SLC8A1: variants seen among roughly 807,000 people sequenced by gnomAD.
SLC8A1 encodes the protein solute carrier family 8 member A1.
Under a neutral mutation model 68.3 loss-of-function variants are expected in SLC8A1, and 18 were observed. The ratio of observed to expected loss-of-function variants is 0.26; its 90% CI spans 0.18 to 0.39. The LOEUF is 0.39. Among genes scored for constraint, SLC8A1 ranks in the 10% least tolerant of loss-of-function variants. The pLI is 1.00. For missense variants in SLC8A1, 985 were observed against 1,156.7 expected (o/e 0.85, Z 2.15); for synonymous variants, 475 against 415.5 (o/e 1.14, Z -1.74).
rs778308374 is a variant in SLC8A1 at position 40,261,275 on chromosome 2, G to GCA, written c.1809-83422_1809-83421dup. On this transcript the variant is annotated intron_variant, in intron 2 of 7. Transcript: ENST00000406785. Reference sequence around the variant, plus strand: ...GGGAAGCCCAGGCCATCAGTATTCTGCACACACACTAACAGCTTGTGCTTG... The same window carrying GCA: ...GGGAAGCCCAGGCCATCAGTATTCTGCACACACACACTAACAGCTTGTGCTTG... 1.5e-4 allele frequency among the ~76,000 whole-genome samples: 23 copies of GCA among 152,288 alleles called. No individual in the cohort carries two copies. In the East Asian group the frequency reaches 2.3e-3, roughly 15 times the overall value.
chr2:40,360,796 AGCATTAGG>A (rs1426296447), intron 2 of SLC8A1, among the ~76,000 whole-genome samples: 1 of 152,144 alleles, frequency 6.6e-6, no homozygotes, highest in Non-Finnish European at 1.5e-5. Context: ...AGATCTCTCT[AGCATTAGG>A]GCAAGGTCTG....
intron 2 of SLC8A1, among the ~76,000 whole-genome samples, chr2:40,335,786 C>A (rs1665772975): frequency 6.6e-6 from 1 of 152,146 alleles, no homozygotes; most frequent in South Asian, 2.1e-4. Flanking sequence ...TGAGGCTCTG[C>A]CTTTGTCATG....
intron 2 of SLC8A1, among the ~76,000 whole-genome samples, chr2:40,372,786 C>A (rs1468569199): frequency 6.6e-6 from 1 of 152,030 alleles, no homozygotes; most frequent in Non-Finnish European, 1.5e-5. Flanking sequence ...ATCGCTTATA[C>A]CACGGTATTT....
At chr2:40,331,616 C>T (rs991713607) in intron 2 of SLC8A1, among the ~76,000 whole-genome samples, 19 of 151,260 alleles carry the variant, frequency 1.3e-4, no homozygotes, top group East Asian at 5.9e-4. Flanking sequence ...TTTTTTGAGA[C>T]GGAGTCTCGC....
intron 6 of SLC8A1, among the ~76,000 whole-genome samples, chr2:40,140,384 G>A (rs376665611): frequency 8.6e-5 from 13 of 152,040 alleles, no homozygotes; most frequent in Non-Finnish European, 1.3e-4. Context: ...TTTAAGACTC[G>A]CTTCCTCTGT....
intron 2 of SLC8A1, among the ~76,000 whole-genome samples, chr2:40,273,044 G>A (rs555242271): frequency 8.1e-4 from 124 of 152,304 alleles, no homozygotes; most frequent in Non-Finnish European, 1.5e-3. Flanking sequence ...CCAGGTTCAA[G>A]TGATTCTCCT....
chr2:40,263,391 C>G (rs2064956206), intron 2 of SLC8A1, among the ~76,000 whole-genome samples: 1 of 152,162 alleles, frequency 6.6e-6, no homozygotes, highest in Admixed American at 6.5e-5. Context: ...GCCCACATTG[C>G]CAAGTCAACC....
At chr2:40,308,096 C>A (rs17025804) in intron 2 of SLC8A1, among the ~76,000 whole-genome samples, 19 of 152,022 alleles carry the variant, frequency 1.2e-4, no homozygotes, top group Admixed American at 2.0e-4. Flanking sequence ...TAAGAAACCC[C>A]ATTTTGGCCC....
intron 1 of SLC8A1, among the ~76,000 whole-genome samples, chr2:40,485,664 C>T (rs1190865871): frequency 1.3e-5 from 2 of 152,070 alleles, no homozygotes; most frequent in African/African-American, 2.4e-5. Flanking sequence ...AAATGGAATA[C>T]TCTTAAATAT....
chr2:40,434,396 T>C (rs910544440), intron 1 of SLC8A1, among the ~76,000 whole-genome samples: 1 of 152,186 alleles, frequency 6.6e-6, no homozygotes, highest in Non-Finnish European at 1.5e-5. Context: ...AGATGTGGAA[T>C]AGATGTTATC....
At chr2:40,312,318 A>T (rs1319020469) in intron 2 of SLC8A1, among the ~76,000 whole-genome samples, 3 of 152,082 alleles carry the variant, frequency 2.0e-5, no homozygotes, top group African/African-American at 7.2e-5. Flanking sequence ...AATAAAACAA[A>T]CTACCAGGGT....
At chr2:40,317,589 T>A (rs1475944552) in intron 2 of SLC8A1, among the ~76,000 whole-genome samples, 1 of 152,062 alleles carries the variant, frequency 6.6e-6, no homozygotes, top group Non-Finnish European at 1.5e-5. Context: ...GAACAGGATA[T>A]ATAACTAGAA....
At chr2:40,288,667 T>C (rs893049313) in intron 2 of SLC8A1, among the ~76,000 whole-genome samples, 2 of 151,998 alleles carry the variant, frequency 1.3e-5, no homozygotes, top group African/African-American at 4.8e-5. Flanking sequence ...CCGCATAGTA[T>C]TTACATCATG....
At chr2:40,216,575 C>T (rs553139913) in intron 2 of SLC8A1, among the ~76,000 whole-genome samples, 22 of 152,300 alleles carry the variant, frequency 1.4e-4, no homozygotes, top group African/African-American at 4.6e-4. Context: ...GAGGAATCGC[C>T]ACACTGTCTT....
At chr2:40,453,040 A>AG (rs1702743529), upstream of SLC8A1, 1 of 152,212 alleles carries the variant, frequency 6.6e-6, no homozygotes, top group Admixed American at 6.5e-5. Flanking sequence ...ACACTGCACC[A>AG]GGCCTTTCCT....
chr2:40,230,550 A>G (rs1255208924), intron 2 of SLC8A1, among the ~76,000 whole-genome samples: 1 of 152,172 alleles, frequency 6.6e-6, no homozygotes, highest in Non-Finnish European at 1.5e-5. Flanking sequence ...CTTAATCACT[A>G]TAAAGGATAC....
chr2:40,318,559 C>A (rs1454859884), intron 2 of SLC8A1, among the ~76,000 whole-genome samples: 1 of 151,974 alleles, frequency 6.6e-6, no homozygotes, highest in Non-Finnish European at 1.5e-5. Context: ...ACCAGAATCA[C>A]CTGACTTCAA....
intron 2 of SLC8A1, among the ~76,000 whole-genome samples, chr2:40,410,312 C>A (rs534963660): frequency 8.5e-5 from 13 of 152,090 alleles, no homozygotes; most frequent in African/African-American, 2.9e-4. Flanking sequence ...CTGTTACTGG[C>A]CAAATTAGGA....
At chr2:40,187,666 T>C (rs1216226349) in intron 2 of SLC8A1, among the ~76,000 whole-genome samples, 3 of 152,206 alleles carry the variant, frequency 2.0e-5, no homozygotes, top group African/African-American at 7.2e-5. Context: ...ATTGTCAGTG[T>C]CAGTGTCCAA....
Sources: allele counts gnomAD v4.1 joint callset (sites outside exome capture counted in the v4.1 genomes callset), GRCh38; gene constraint gnomAD v4.1.1; transcripts MANE v1.5; gene names NCBI Gene and HGNC (gene_info 2026-07-23, HGNC 2026-07-21).